The following SIPA1L1 variants were observed in gnomAD, a reference collection of about 807,000 sequenced individuals.
SIPA1L1 encodes the protein signal induced proliferation associated 1 like 1, also known as signal-induced proliferation-associated 1-like protein 1.
SIPA1L1 carries 26 observed loss-of-function variants against 162.7 expected under a neutral mutation model. The ratio of observed to expected loss-of-function variants is 0.16; its 90% CI spans 0.12 to 0.22. SIPA1L1 has a LOEUF of 0.22. SIPA1L1 is among the 10% of genes least tolerant of loss of function. SIPA1L1 has a pLI of 1.00. For synonymous variants in SIPA1L1, 829 were observed against 837.4 expected (o/e 0.99, Z 0.17); for missense variants, 1,874 against 2,241.0 (o/e 0.84, Z 3.31).
chr14:71,501,668 G>C (rs1051167495), intron 2 of SIPA1L1, among the ~76,000 whole-genome samples: 4 of 152,080 alleles, frequency 2.6e-5, no homozygotes, highest in Non-Finnish European at 5.9e-5. Context: ...GTTTCTGAAA[G>C]TTCTAAAAGA....
intron 16 of SIPA1L1, among the ~76,000 whole-genome samples, chr14:71,706,987 A>T (rs2082488671): frequency 6.6e-6 from 1 of 150,486 alleles, no homozygotes; most frequent in Non-Finnish European, 1.5e-5. Flanking sequence ...GTGAGCTGAG[A>T]TCATGCCACT....
chr14:71,519,615 G>A (rs962508406), intron 3 of SIPA1L1, among the ~76,000 whole-genome samples: 1 of 151,748 alleles, frequency 6.6e-6, no homozygotes, highest in Non-Finnish European at 1.5e-5. Context: ...GTTTGAGGCT[G>A]GGAGTTTGAG....
chr14:71,551,491 T>G (rs1440869495), intron 4 of SIPA1L1, among the ~76,000 whole-genome samples: 1 of 152,222 alleles, frequency 6.6e-6, no homozygotes, highest in East Asian at 1.9e-4. Context: ...ATCAGTAACA[T>G]ATTTCTTAAC....
intron 2 of SIPA1L1, among the ~76,000 whole-genome samples, chr14:71,510,674 T>A (rs1224549624): frequency 6.6e-6 from 1 of 152,224 alleles, no homozygotes; most frequent in Non-Finnish European, 1.5e-5. Context: ...TTCATAGCTG[T>A]GTCACTTTTG....
intron 2 of SIPA1L1, among the ~76,000 whole-genome samples, chr14:71,371,847 A>G (rs1259937048): frequency 1.3e-5 from 2 of 152,178 alleles, no homozygotes; most frequent in Non-Finnish European, 2.9e-5. Flanking sequence ...TATTCTTTGT[A>G]TACTCTTGTG....
At chr14:71,353,583 A>C (rs573955620) in intron 2 of SIPA1L1, among the ~76,000 whole-genome samples, 48 of 152,244 alleles carry the variant, frequency 3.2e-4, no homozygotes, top group Non-Finnish European at 3.4e-4. Context: ...TGCTGTGTTG[A>C]GAATAGCCTT....
chr14:71,358,872 G>A (rs149567053), intron 2 of SIPA1L1, among the ~76,000 whole-genome samples: 5 of 152,222 alleles, frequency 3.3e-5, no homozygotes, highest in South Asian at 2.1e-4. Flanking sequence ...ACCAGATCTC[G>A]TGAGAACTTG....
intron 3 of SIPA1L1, among the ~76,000 whole-genome samples, chr14:71,529,098 G>C (rs1193722196): frequency 6.7e-6 from 1 of 150,094 alleles, no homozygotes; most frequent in Admixed American, 6.6e-5. Flanking sequence ...GGCAACAAGA[G>C]TGAAACTCCA....
Position 71,685,428 on chromosome 14 carries a change from A to G in SIPA1L1, c.3171A>G (p.Glu1057=), listed in dbSNP as rs1186219920. 1 of 1,614,196 alleles carries G rather than the reference A, an allele frequency of 6.2e-7. No homozygotes were observed. Residue 1057 remains glutamate, a synonymous_variant, in exon 13 of 24, where the codon GAA becomes GAG. Coordinates refer to ENST00000381232, the MANE Select transcript of SIPA1L1 (RefSeq NM_001386936.1). ...EYKMNEGVSY[E]FKFPFRNNNK... ...AAATGAATGAAGGTGTTTCATACGA[A>G]TTCAAGTTTCCCTTCCGAAATAATA...
chr14:71,384,865 C>T (rs1418594932), intron 2 of SIPA1L1, among the ~76,000 whole-genome samples: 1 of 152,172 alleles, frequency 6.6e-6, no homozygotes, highest in Non-Finnish European at 1.5e-5. Flanking sequence ...GGACTTTCAG[C>T]ATTGCTGTAA....
chr14:71,405,648 C>T (rs551736155), intron 2 of SIPA1L1, among the ~76,000 whole-genome samples: 1 of 152,274 alleles, frequency 6.6e-6, no homozygotes, highest in South Asian at 2.1e-4. Context: ...TGTGACACAA[C>T]CTGCTGTTGT....
At chr14:71,653,493 C>T (rs1432698309) in intron 8 of SIPA1L1, among the ~76,000 whole-genome samples, 8 of 152,162 alleles carry the variant, frequency 5.3e-5, no homozygotes, top group Non-Finnish European at 1.2e-4. Context: ...TCACCTCAGA[C>T]TTCCTGAACT....
chr14:71,580,422 A>G (rs958868445), intron 4 of SIPA1L1, among the ~76,000 whole-genome samples: 1 of 152,216 alleles, frequency 6.6e-6, no homozygotes, highest in East Asian at 1.9e-4. Flanking sequence ...AGGTCACTAC[A>G]GTCTTGGGAG....
Position 71,672,414 on chromosome 14 carries a change from T to C in SIPA1L1, c.2896T>C (p.Phe966Leu), listed in dbSNP as rs1241836611. Residue 966 changes from phenylalanine to leucine, a missense_variant, in exon 12 of 24, where the codon TTC (phenylalanine) becomes CTC (leucine). Phe to Leu is a conservative substitution (Grantham distance 22). Coordinates refer to ENST00000381232, the MANE Select transcript of SIPA1L1 (RefSeq NM_001386936.1). ...AAGAAATGGGCTAGGACAGCTTGGC[T>C]TCCATGTCAACTATGAGGGCATTGT... is the stretch of plus-strand genomic sequence containing the variant. ...LRRNGLGQLG[F>L]HVNYEGIVAD... The C allele has an allele frequency of 1.2e-6, 2 of 1,614,112 alleles. No individual in the cohort carries two copies. Among genetic ancestry groups the C allele is most frequent in the Admixed American group, 1.7e-5 (1 of 60,008 alleles).
chr14:71,705,096 T>C (rs2082345737), intron 15 of SIPA1L1, 126 bp from the exon 16 acceptor site: 1 of 722,484 alleles, frequency 1.4e-6, no homozygotes, highest in Admixed American at 2.2e-5. Flanking sequence ...TTAACAAGCT[T>C]ACTGCTGAAA....
At chr14:71,641,942 C>T (rs2041755950) in intron 7 of SIPA1L1, among the ~76,000 whole-genome samples, 1 of 152,274 alleles carries the variant, frequency 6.6e-6, no homozygotes, top group South Asian at 2.1e-4. Flanking sequence ...TGGCAGTGTT[C>T]TGTATTTTGA....
chr14:71,666,698 G>T (rs986692512), intron 10 of SIPA1L1, among the ~76,000 whole-genome samples: 2 of 152,030 alleles, frequency 1.3e-5, no homozygotes, highest in Non-Finnish European at 2.9e-5. Context: ...AAAGGAATCT[G>T]TATGATATAG....
chr14:71,537,249 G>A (rs1368442474), intron 4 of SIPA1L1, among the ~76,000 whole-genome samples: 3 of 151,954 alleles, frequency 2.0e-5, no homozygotes, highest in Non-Finnish European at 4.4e-5. Context: ...TCTGTTGCCC[G>A]GAGTGCAGTG....
intron 2 of SIPA1L1, among the ~76,000 whole-genome samples, chr14:71,501,157 A>T (rs2143578234): frequency 6.6e-6 from 1 of 152,140 alleles, no homozygotes; most frequent in African/African-American, 2.4e-5. Flanking sequence ...TCATCTCTAT[A>T]AAAAATTTTA....
Sources: allele counts gnomAD v4.1 joint callset (sites outside exome capture counted in the v4.1 genomes callset), GRCh38; gene constraint gnomAD v4.1.1; transcripts MANE v1.5; gene names NCBI Gene and HGNC (gene_info 2026-07-23, HGNC 2026-07-21).